ADAM9: variants seen among roughly 807,000 people sequenced by gnomAD.
ADAM9 encodes the protein ADAM metallopeptidase domain 9, also known as disintegrin and metalloproteinase domain-containing protein 9.
ADAM9 carries 54 observed loss-of-function variants against 108.1 expected under a neutral mutation model. That is an observed-to-expected ratio of 0.50 (90% CI 0.40 to 0.63). ADAM9 has a LOEUF of 0.63. Among genes scored for constraint, ADAM9 ranks in the 20% least tolerant of loss-of-function variants. The pLI is 0.00. For missense variants in ADAM9, 830 were observed against 997.7 expected (o/e 0.83, Z 2.26); for synonymous variants, 316 against 336.0 (o/e 0.94, Z 0.65).
chr8:39,049,621 T>C (rs770590218), intron 12 of ADAM9, among the ~76,000 whole-genome samples: 5 of 151,992 alleles, frequency 3.3e-5, no homozygotes, highest in Non-Finnish European at 7.4e-5. Flanking sequence ...GTATTTTTAG[T>C]GGAGATGGGG....
Position 38,997,129 on chromosome 8 carries a change from G to A in ADAM9, c.66G>A (p.Leu22=). Residue 22 remains leucine (L), a synonymous_variant, in exon 1 of 22, where the codon CTG becomes CTA. Coordinates refer to ENST00000487273, the MANE Select transcript of ADAM9 (RefSeq NM_003816.3). ...TCCGGTGGTTGCTGTTGCTTGGCCT[G>A]GTGGGCCCAGTCCTCGGTGCGGCGC... The part of the protein sequence containing the change: ...LRVRWLLLLG[L]VGPVLGAARP... The A allele has an allele frequency of 6.2e-7, 1 of 1,603,780 alleles. No individual in the cohort carries two copies. Among genetic ancestry groups the A allele is most frequent in the East Asian group, 2.2e-5 (1 of 44,812 alleles).
At chr8:39,004,976 A>G (rs1318205084) in intron 1 of ADAM9, among the ~76,000 whole-genome samples, 1 of 152,148 alleles carries the variant, frequency 6.6e-6, no homozygotes, top group African/African-American at 2.4e-5. Context: ...CTCCTATCTC[A>G]TTCTGTGACT....
intron 20 of ADAM9, among the ~76,000 whole-genome samples, chr8:39,099,322 T>C (rs1839610110): frequency 6.6e-6 from 1 of 152,178 alleles, no homozygotes. Flanking sequence ...GACTCTTTCA[T>C]ACGTTCTTGG....
chr8:39,072,788 ATGCTGTT>A (rs1838737465), intron 15 of ADAM9, among the ~76,000 whole-genome samples: 1 of 152,180 alleles, frequency 6.6e-6, no homozygotes, highest in African/African-American at 2.4e-5. Flanking sequence ...GGTGTTCTTG[ATGCTGTT>A]TGCTTCTTTT....
chr8:39,070,682 C>CAAG (rs957803194), intron 14 of ADAM9, among the ~76,000 whole-genome samples: 3 of 151,074 alleles, frequency 2.0e-5, no homozygotes, highest in African/African-American at 7.3e-5. Flanking sequence ...TGCTTGAGAC[C>CAAG]AAGAGTTCAA....
chr8:39,020,097 A>T (rs560311031), intron 7 of ADAM9, among the ~76,000 whole-genome samples: 1 of 152,288 alleles, frequency 6.6e-6, no homozygotes, highest in Admixed American at 6.5e-5. Context: ...CATCCTGGCT[A>T]ACACGGTGAA....
At chr8:38,997,203 A>G in intron 1 of ADAM9, 43 bp downstream of exon 1, 2 of 1,565,872 alleles carry the variant, frequency 1.3e-6, no homozygotes, top group Non-Finnish European at 1.7e-6. Flanking sequence ...GCTGCTTCCT[A>G]GGGACGGGGC....
intron 1 of ADAM9, among the ~76,000 whole-genome samples, chr8:38,999,881 A>G (rs1289898818): frequency 6.6e-6 from 1 of 152,258 alleles, no homozygotes; most frequent in African/African-American, 2.4e-5. Flanking sequence ...AAGCTCAAAC[A>G]TATGACATAG....
chr8:39,047,071 ATTAATTGATTTTTGTATATTGAGCC>A (rs1208173718), intron 12 of ADAM9, among the ~76,000 whole-genome samples: 1 of 152,204 alleles, frequency 6.6e-6, no homozygotes, highest in Non-Finnish European at 1.5e-5. Flanking sequence ...ACCTGATCTC[ATTAATTGATTTTTGTATATTGAGCC>A]TTAATTGATT....
intron 11 of ADAM9, among the ~76,000 whole-genome samples, chr8:39,032,408 C>A (rs555465294): frequency 1.4e-4 from 21 of 152,378 alleles, no homozygotes; most frequent in African/African-American, 4.6e-4. Context: ...CAGGCTGCTG[C>A]CTCACAGGTC....
chr8:39,026,974 T>C (rs866440104), intron 11 of ADAM9, among the ~76,000 whole-genome samples, 164 bp downstream of exon 11: 167 of 152,050 alleles, frequency 1.1e-3, no homozygotes, highest in African/African-American at 3.6e-3. Context: ...TTTTTTTTTT[T>C]CCAGCCTTTT....
At chr8:39,050,826 A>G (rs905898162) in intron 12 of ADAM9, among the ~76,000 whole-genome samples, 1 of 134,996 alleles carries the variant, frequency 7.4e-6, no homozygotes, top group Non-Finnish European at 1.5e-5. Flanking sequence ...AAAAGCTTGG[A>G]AGTGTTTTTT....
At chr8:39,073,076 T>C (rs552388620) in intron 15 of ADAM9, among the ~76,000 whole-genome samples, 1 of 152,230 alleles carries the variant, frequency 6.6e-6, no homozygotes, top group Non-Finnish European at 1.5e-5. Flanking sequence ...GGCCAGCCTC[T>C]TAATACCAGA....
chr8:39,016,636 C>T (rs1380251232), intron 5 of ADAM9, among the ~76,000 whole-genome samples: 1 of 152,170 alleles, frequency 6.6e-6, no homozygotes, highest in African/African-American at 2.4e-5. Flanking sequence ...ATTAACATTA[C>T]ATTCCTTGAG....
At chr8:39,101,204 A>G (rs765277210) in intron 20 of ADAM9, among the ~76,000 whole-genome samples, 1 of 152,242 alleles carries the variant, frequency 6.6e-6, no homozygotes, top group Admixed American at 6.5e-5. Flanking sequence ...AGTGGTAAAG[A>G]TATGTCAAAT....
chr8:39,044,980 ATGTG>A (rs1837585413), intron 12 of ADAM9, among the ~76,000 whole-genome samples: 1 of 149,892 alleles, frequency 6.7e-6, no homozygotes, highest in African/African-American at 2.5e-5. Flanking sequence ...ATACCTATGT[ATGTG>A]TATATGTGTG....
chr8:39,093,913 G>GAGC (rs1447607584), intron 20 of ADAM9, among the ~76,000 whole-genome samples: 1 of 152,186 alleles, frequency 6.6e-6, no homozygotes, highest in East Asian at 1.9e-4. Flanking sequence ...GGGATTACAG[G>GAGC]CATGTGCCAC....
chr8:39,033,554 A>G (rs958563839), intron 11 of ADAM9, among the ~76,000 whole-genome samples: 2 of 151,714 alleles, frequency 1.3e-5, no homozygotes, highest in Non-Finnish European at 2.9e-5. Flanking sequence ...TTTTTAATCC[A>G]AATTGAAAAT....
intron 11 of ADAM9, among the ~76,000 whole-genome samples, chr8:39,033,159 ACT>A (rs1213345998): frequency 6.6e-6 from 1 of 151,592 alleles, no homozygotes; most frequent in Non-Finnish European, 1.5e-5. Context: ...TTTATACCTA[ACT>A]CTCATTTTTG....
Sources: gnomAD v4.1 joint callset for allele counts (sites outside exome capture counted in the v4.1 genomes callset) on GRCh38, gnomAD v4.1.1 for gene constraint, MANE v1.5 for transcripts, NCBI Gene and HGNC (gene_info 2026-07-23, HGNC 2026-07-21) for gene names.